Variants in CEP162 observed in about 807,000 individuals in gnomAD.
CEP162 encodes the protein centrosomal protein of 162 kDa.
Under a neutral mutation model 169.2 loss-of-function variants are expected in CEP162, and 141 were observed. That is an observed-to-expected ratio of 0.83 (90% CI 0.73 to 0.96). The LOEUF is 0.96. CEP162 is among the 40% of genes least tolerant of loss of function. The pLI is 0.00. For missense variants in CEP162, 1,600 were observed against 1,587.2 expected (o/e 1.01, Z -0.14); for synonymous variants, 540 against 526.4 (o/e 1.03, Z -0.35).
intron 25 of CEP162, among the ~76,000 whole-genome samples, chr6:84,134,742 CT>C (rs2099513153): frequency 6.6e-6 from 1 of 152,120 alleles, no homozygotes; most frequent in Admixed American, 6.6e-5. Context: ...AATCACTTTC[CT>C]TCTGTGTTGA....
chr6:84,158,341 AG>A (rs982961720), intron 21 of CEP162, among the ~76,000 whole-genome samples: 2 of 152,166 alleles, frequency 1.3e-5, no homozygotes, highest in African/African-American at 2.4e-5. Context: ...GCAATTTCAA[AG>A]GGTTGATATA....
chr6:84,181,364 A>C (rs753319450), intron 13 of CEP162, among the ~76,000 whole-genome samples: 1 of 152,232 alleles, frequency 6.6e-6, no homozygotes, highest in Non-Finnish European at 1.5e-5. Flanking sequence ...AGATGGATTA[A>C]AGACTTAAAC....
intron 2 of CEP162, among the ~76,000 whole-genome samples, chr6:84,224,868 C>T (rs1292930233): frequency 6.6e-6 from 1 of 152,068 alleles, no homozygotes; most frequent in Non-Finnish European, 1.5e-5. Flanking sequence ...AAAATCATTC[C>T]TATAAATTTA....
Position 84,194,984 on chromosome 6 carries a change from T to G in CEP162, c.927A>C (p.Gln309His). Residue 309 changes from glutamine to histidine, a missense_variant, in exon 10 of 27, where the codon CAA becomes CAC. Coordinates refer to ENST00000403245, the MANE Select transcript of CEP162 (RefSeq NM_014895.4). ...CTTCCACTGTGTTACTCTCAATTTT[T>G]TGTTTGTCTTCATCTCCCAATGAAT... is the stretch of plus-strand genomic sequence containing the variant. ...IAHSLGDEDK[Q>H]KIESNTVEDI... 1 of 1,613,526 alleles carries G rather than the reference T, an allele frequency of 6.2e-7. No homozygotes were observed. The highest frequency in any genetic ancestry group is 8.5e-7 in the Non-Finnish European group (1 of 1,179,634).
chr6:84,138,012 T>C (rs1275436470), intron 25 of CEP162, among the ~76,000 whole-genome samples: 1 of 152,206 alleles, frequency 6.6e-6, no homozygotes, highest in Non-Finnish European at 1.5e-5. Flanking sequence ...ATTTCTATAA[T>C]TAATATACTA....
chr6:84,140,249 C>T (rs1478522922), intron 25 of CEP162, among the ~76,000 whole-genome samples: 2 of 151,952 alleles, frequency 1.3e-5, no homozygotes, highest in Non-Finnish European at 2.9e-5. Flanking sequence ...GAGCCTTTGG[C>T]GTTTCAAACT....
At chr6:84,188,431 G>C (rs923210954) in intron 11 of CEP162, among the ~76,000 whole-genome samples, 1 of 152,058 alleles carries the variant, frequency 6.6e-6, no homozygotes, top group Non-Finnish European at 1.5e-5. Context: ...TCATCTCTCT[G>C]TCCATATGTA....
chr6:84,152,457 CTAAT>C (rs938265528), intron 23 of CEP162, 84 bp downstream of exon 23: 19 of 689,234 alleles, frequency 2.8e-5, no homozygotes, highest in African/African-American at 1.3e-4. Context: ...CGGGGTCAAA[CTAAT>C]TATCTGGAGG....
chr6:84,206,642 T>C (rs1169895798), intron 6 of CEP162, among the ~76,000 whole-genome samples: 6 of 152,182 alleles, frequency 3.9e-5, no homozygotes, highest in Non-Finnish European at 4.4e-5. Flanking sequence ...GGCAATACCA[T>C]TCAGGACATA....
At chr6:84,163,311 C>T (rs2099526492) in intron 18 of CEP162, 41 bp from the exon 19 acceptor site, 1 of 1,451,966 alleles carries the variant, frequency 6.9e-7, no homozygotes, top group Non-Finnish European at 9.6e-7. Context: ...TTTTTTACAA[C>T]CACAATAAAT....
At chr6:84,165,175 C>A (rs2099527336) in intron 18 of CEP162, among the ~76,000 whole-genome samples, 1 of 151,858 alleles carries the variant, frequency 6.6e-6, no homozygotes, top group African/African-American at 2.4e-5. Flanking sequence ...TTCCTGACCA[C>A]CTTATCTAAA....
chr6:84,201,133 C>T (rs1285213470), intron 8 of CEP162, among the ~76,000 whole-genome samples: 1 of 152,082 alleles, frequency 6.6e-6, no homozygotes, highest in South Asian at 2.1e-4. Flanking sequence ...AAAAAATTAG[C>T]CAGGCGTGGT....
In CEP162 at chr6:84,153,088, TTCTC is replaced by T. The variant is rs1383015461; in HGVS notation, c.3082_3085del (p.Glu1028ArgfsTer14). On this transcript the variant is annotated frameshift_variant, in exon 23 of 27. Transcript: ENST00000403245. LOFTEE classifies it high-confidence loss of function. ...GGCTTCCTTGATGTCATCAAGTTCCTTCTCTAGGGCTTTAATTCTGGGAGAGTCA... is the reference window on the plus strand; with the variant it reads ...GGCTTCCTTGATGTCATCAAGTTCCTTAGGGCTTTAATTCTGGGAGAGTCA... 5 of 1,613,278 alleles carry T rather than the reference TTCTC, an allele frequency of 3.1e-6. No individual in the cohort carries two copies. Among genetic ancestry groups the T allele is most frequent in the African/African-American group, 1.3e-5 (1 of 74,902 alleles).
chr6:84,223,685 T>C (rs1588902995), intron 2 of CEP162, among the ~76,000 whole-genome samples: 3 of 151,822 alleles, frequency 2.0e-5, no homozygotes, highest in Admixed American at 1.3e-4. Flanking sequence ...GGCAGGCGGA[T>C]CACTTGAGGT....
chr6:84,191,096 C>T (rs2099539696), intron 11 of CEP162, among the ~76,000 whole-genome samples: 2 of 151,378 alleles, frequency 1.3e-5, no homozygotes, highest in African/African-American at 4.9e-5. Flanking sequence ...GGGACCAAAG[C>T]GATTATTAAG....
At chr6:84,216,753 G>T (rs1435125664) in intron 3 of CEP162, among the ~76,000 whole-genome samples, 1 of 152,146 alleles carries the variant, frequency 6.6e-6, no homozygotes, top group African/African-American at 2.4e-5. Context: ...TATGCTGTTG[G>T]AGATTTGTTT....
chr6:84,166,811 T>C (rs1032110987), intron 18 of CEP162, among the ~76,000 whole-genome samples: 2 of 152,200 alleles, frequency 1.3e-5, no homozygotes, highest in Admixed American at 1.3e-4. Flanking sequence ...ACATAAATCA[T>C]AAATATACTT....
rs374652825 is a variant in CEP162, at chr6:84,171,688, C to G, written c.2197G>C (p.Asp733His). ...ENERLYNQVK[D>H]LQEQNKKNEE... Reference sequence around the variant, plus strand: ...TTTTTCTTGTTTTGTTCTTGGAGATCTTTTACTTGATTATATAATCGTTCA... The same window carrying G: ...TTTTTCTTGTTTTGTTCTTGGAGATGTTTTACTTGATTATATAATCGTTCA... Residue 733 changes from aspartate to histidine, a missense_variant, in exon 17 of 27, where the codon GAT (aspartate) becomes CAT (histidine). Physicochemically the swap from Asp to His is moderately conservative, Grantham distance 81. Coordinates refer to ENST00000403245, the MANE Select transcript of CEP162 (RefSeq NM_014895.4). 2.6e-6 allele frequency: 4 copies of G among 1,523,400 alleles called. No homozygotes were observed. Among genetic ancestry groups the G allele is most frequent in the Non-Finnish European group, 3.5e-6 (4 of 1,134,110 alleles). The allele number at this position is 1,523,400 out of a possible 1,614,324, so 94.4% of individuals were successfully genotyped here.
At chr6:84,222,720 G>A (rs2099554180) in intron 2 of CEP162, among the ~76,000 whole-genome samples, 1 of 152,138 alleles carries the variant, frequency 6.6e-6, no homozygotes, top group African/African-American at 2.4e-5. Context: ...CTAGAATATT[G>A]TTATCTGAGT....
Sources: gnomAD v4.1 joint callset for allele counts (sites outside exome capture counted in the v4.1 genomes callset) on GRCh38, gnomAD v4.1.1 for gene constraint, MANE v1.5 for transcripts, NCBI Gene and HGNC (gene_info 2026-07-23, HGNC 2026-07-21) for gene names.